Variants in CLEC1A observed in about 807,000 individuals in gnomAD.
The protein encoded by CLEC1A is C-type lectin-like receptor-1.
In CLEC1A, 34 loss-of-function variants were observed where a neutral mutation model predicts 28.7. That is an observed-to-expected ratio of 1.18 (90% confidence interval 0.90 to 1.57). The LOEUF (loss-of-function observed/expected upper bound fraction) is 1.57, where lower values mean the gene tolerates loss of function less well. Among genes scored for constraint, CLEC1A ranks in the 40% most tolerant of loss-of-function variants. The probability of loss-of-function intolerance (pLI) is 0.00; values close to 1 mark genes in which losing one functional copy is unlikely to be tolerated. For missense variants in CLEC1A, 385 were observed against 339.5 expected (o/e 1.13, Z -1.05); for synonymous variants, 116 against 121.0 (o/e 0.96, Z 0.27).
At chr12:10,074,067 T>C (rs78265267) in intron 4 of CLEC1A, among the ~76,000 whole-genome samples, 6,134 of 152,242 alleles carry the variant, frequency 0.04, 407 homozygotes, top group African/African-American at 0.14. Flanking sequence ...TTTTGGAGGA[T>C]TGGTGGCGAC....
rs968822101 is a variant in CLEC1A at position 10,070,404 on chromosome 12, C to T, written c.*929G>A. 2.0e-5 allele frequency: 3 copies of T among 152,186 alleles called. No homozygotes were observed. 9.4% of individuals were successfully genotyped at this position (152,186 alleles called of 1,614,324 possible). A position where few individuals can be genotyped will look rare whatever the true frequency, so the allele number is the denominator to read the frequency against. Reference sequence around the variant, plus strand: ...CAGTAAGGCACAATCAAAATAATGACCGCTATCATATTTTGAAAAGCATTT... The same window carrying T: ...CAGTAAGGCACAATCAAAATAATGATCGCTATCATATTTTGAAAAGCATTT... On this transcript the variant is annotated 3_prime_UTR_variant, in exon 6 of 6. Transcript: ENST00000315330.
At chr12:10,079,305 G>A (rs16910075) in intron 3 of CLEC1A, among the ~76,000 whole-genome samples, 42,973 of 151,900 alleles carry the variant, frequency 0.28, 6,955 homozygotes, top group African/African-American at 0.45. Context: ...GGTAAGATGA[G>A]GGTAAGAAAT....
At chr12:10,077,305 C>A (rs1207345382) in intron 3 of CLEC1A, among the ~76,000 whole-genome samples, 2 of 152,122 alleles carry the variant, frequency 1.3e-5, no homozygotes, top group Non-Finnish European at 2.9e-5. Context: ...AAATTCATTT[C>A]TCTCTATATA....
chr12:10,080,144 A>G (rs913196103), intron 3 of CLEC1A, among the ~76,000 whole-genome samples: 5 of 152,176 alleles, frequency 3.3e-5, no homozygotes, highest in African/African-American at 1.2e-4. Flanking sequence ...ACCCATCTCT[A>G]CTAAAAATAC....
chr12:10,090,071 G>A (rs917911016), intron 1 of CLEC1A, among the ~76,000 whole-genome samples: 2 of 152,144 alleles, frequency 1.3e-5, no homozygotes, highest in Admixed American at 6.5e-5. Context: ...TCTCAGTCAG[G>A]TGCAGGTAGC....
chr12:10,081,950 T>G (rs1277798829), intron 2 of CLEC1A, among the ~76,000 whole-genome samples: 1 of 151,926 alleles, frequency 6.6e-6, no homozygotes, highest in Admixed American at 6.6e-5. Flanking sequence ...ATAAAATAGA[T>G]GCAAAATATA....
intron 2 of CLEC1A, among the ~76,000 whole-genome samples, chr12:10,088,558 C>T (rs946182067): frequency 1.3e-5 from 2 of 151,900 alleles, no homozygotes; most frequent in African/African-American, 4.8e-5. Flanking sequence ...CATCCACTTT[C>T]TTTTTTAAGC....
chr12:10,096,386 C>T (rs982930800), intron 1 of CLEC1A, among the ~76,000 whole-genome samples: 2 of 152,150 alleles, frequency 1.3e-5, no homozygotes, highest in African/African-American at 4.8e-5. Context: ...TCTTTCATAT[C>T]TGATTCTTTT....
intron 3 of CLEC1A, among the ~76,000 whole-genome samples, chr12:10,080,894 G>C (rs1040770381): frequency 6.6e-6 from 1 of 152,182 alleles, no homozygotes; most frequent in Non-Finnish European, 1.5e-5. Flanking sequence ...ATAGTTATGA[G>C]TTTGCTTACT....
Position 10,070,154 on chromosome 12 carries a change from G to A in CLEC1A, c.*1179C>T, listed in dbSNP as rs554981838. The A allele has an allele frequency of 3.9e-5, 6 of 152,330 alleles. No homozygotes were observed. The South Asian group carries it at 1.2e-3, about 32-fold the overall frequency. The allele number at this position is 152,330 out of a possible 1,614,324, so 9.4% of individuals were successfully genotyped here. A position where few individuals can be genotyped will look rare whatever the true frequency, so the allele number is the denominator to read the frequency against. On this transcript the variant is annotated 3_prime_UTR_variant, in exon 6 of 6. Transcript: ENST00000315330. ...CTCACAAAGGAGCAGCTACAAAGAT[G>A]TCACTGTCTCTGTTCATTTCCCATG... is the stretch of plus-strand genomic sequence containing the variant.
intron 2 of CLEC1A, among the ~76,000 whole-genome samples, chr12:10,087,237 A>G (rs1258997899): frequency 6.8e-6 from 1 of 148,060 alleles, no homozygotes; most frequent in African/African-American, 2.5e-5. Context: ...AGCTAACTGA[A>G]TCCAACAGCA....
chr12:10,090,972 T>C lies in CLEC1A; in HGVS notation c.116-1750A>G, dbSNP rs1337018647. Among the ~76,000 whole-genome samples the C allele has an allele frequency of 2.6e-5, 4 of 152,180 alleles. No individual in the cohort carries two copies. The East Asian group carries it at 5.8e-4, about 22-fold the overall frequency. ...GAACTATTTTCCCCTCACTCACATG[T>C]ACTCCTCACAACGGTCTCCCGTTTA... On this transcript the variant is annotated intron_variant, in intron 1 of 5. Coordinates refer to ENST00000315330, the MANE Select transcript of CLEC1A (RefSeq NM_016511.4).
At chr12:10,073,127 A>G (rs1182685871) in intron 5 of CLEC1A, among the ~76,000 whole-genome samples, 166 bp downstream of exon 5, 4 of 152,158 alleles carry the variant, frequency 2.6e-5, no homozygotes, top group Non-Finnish European at 5.9e-5. Context: ...AAACAAAATG[A>G]GGATGCACTA....
chr12:10,071,265 A>G lies in CLEC1A; in HGVS notation c.*68T>C, dbSNP rs1177855026. The G allele has an allele frequency of 6.4e-6, 9 of 1,412,252 alleles. No homozygotes were observed. The South Asian group carries it at 7.9e-5, about 12-fold the overall frequency. 87.5% of individuals were successfully genotyped at this position (1,412,252 alleles called of 1,614,324 possible). A position where few individuals can be genotyped will look rare whatever the true frequency, so the allele number is the denominator to read the frequency against. On this transcript the variant is annotated 3_prime_UTR_variant, in exon 6 of 6. Transcript: ENST00000315330. ...TTTCCTGATTATGTTCCATTTCCCA[A>G]TGTCTCAACTAGCCCTTGCTTTGGC...
At position 10,093,354 on chromosome 12, in the gene CLEC1A, G is replaced by A. The variant is rs182527080; in HGVS notation, c.116-4132C>T. ...CAAGGAATGATATAAACATCCCTAG[G>A]AATAATAAGATATATATAGAAAAAA... is the stretch of plus-strand genomic sequence containing the variant. On this transcript the variant is annotated intron_variant, in intron 1 of 5. Transcript: ENST00000315330. 8.6e-3 allele frequency among the ~76,000 whole-genome samples: 962 copies of A among 112,394 alleles called. 18 individuals carry two copies. The highest frequency in any genetic ancestry group is 8.6e-3 in the Non-Finnish European group (461 of 53,732). The allele number at this position is 112,394 out of a possible 152,430, so 73.7% of individuals were successfully genotyped here.
In CLEC1A at chr12:10,071,123, C is replaced by T. The variant is rs1866117544; in HGVS notation, c.*210G>A. On this transcript the variant is annotated 3_prime_UTR_variant, in exon 6 of 6. Coordinates refer to ENST00000315330, the MANE Select transcript of CLEC1A (RefSeq NM_016511.4). ...ATGGGTTTCTGAGGTTGGTTGGTGG[C>T]ATGTAAATAAGACTTCTTGTGACTG... 1 of 406,288 alleles carries T rather than the reference C, an allele frequency of 2.5e-6. No homozygotes were observed. The highest frequency in any genetic ancestry group is 4.4e-5 in the Admixed American group (1 of 22,854). The allele number at this position is 406,288 out of a possible 1,614,324, so 25.2% of individuals were successfully genotyped here.
intron 2 of CLEC1A, among the ~76,000 whole-genome samples, chr12:10,083,033 C>T (rs1427026662): frequency 1.3e-5 from 2 of 152,226 alleles, no homozygotes; most frequent in Non-Finnish European, 2.9e-5. Flanking sequence ...TGGATCATAT[C>T]ACAGGACTCT....
chr12:10,089,082 C>G (rs764583087), intron 2 of CLEC1A, 42 bp downstream of exon 2: 18 of 1,475,744 alleles, frequency 1.2e-5, no homozygotes, highest in Non-Finnish European at 1.7e-5. Flanking sequence ...CTAGACAAAC[C>G]TTGGAACCAG....
chr12:10,089,282 A>G (rs1257341846), intron 1 of CLEC1A, 60 bp from the exon 2 acceptor site: 21 of 1,371,202 alleles, frequency 1.5e-5, no homozygotes, highest in Non-Finnish European at 2.1e-5. Flanking sequence ...ATCTAAGTCA[A>G]TAACAGGTAA....
Sources: allele counts gnomAD v4.1 joint callset (sites outside exome capture counted in the v4.1 genomes callset), GRCh38; gene constraint gnomAD v4.1.1; transcripts MANE v1.5; gene names NCBI Gene and HGNC (gene_info 2026-07-23, HGNC 2026-07-21).